Variants in ATXN10 observed in about 807,000 individuals in gnomAD.
ATXN10 encodes the protein ataxin 10, also known as ataxin-10.
A neutral mutation model predicts 52.9 loss-of-function variants in ATXN10; 28 were observed. The observed-to-expected ratio is 0.53, with a 90% CI of 0.39 to 0.73. The LOEUF is 0.73. Ranked by LOEUF, ATXN10 falls within the 30% of genes least tolerant of loss-of-function variation. ATXN10 has a pLI of 0.00. For synonymous variants in ATXN10, 226 were observed against 221.5 expected, an observed-to-expected ratio of 1.02 and a Z score of -0.18; for missense variants, 565 against 577.0, an observed-to-expected ratio of 0.98 and a Z score of 0.21.
intron 10 of ATXN10, among the ~76,000 whole-genome samples, chr22:45,811,066 C>G (rs1013896471): frequency 1.3e-5 from 2 of 152,126 alleles, no homozygotes; most frequent in Non-Finnish European, 2.9e-5. Flanking sequence ...TATGTTTTTA[C>G]TGATATTTTT....
intron 7 of ATXN10, among the ~76,000 whole-genome samples, chr22:45,735,126 G>T (rs143774697): frequency 6.6e-6 from 1 of 151,922 alleles, no homozygotes; most frequent in Non-Finnish European, 1.5e-5. Context: ...TGATCCACCC[G>T]CCTCGGGCTC....
At chr22:45,723,167 A>G (rs548440553) in intron 6 of ATXN10, among the ~76,000 whole-genome samples, 32 of 142,354 alleles carry the variant, frequency 2.2e-4, no homozygotes, top group East Asian at 5.8e-4. Flanking sequence ...GTGTGTGTGT[A>G]TATATATATA....
rs112927940 is a variant in ATXN10 at position 45,696,367 on chromosome 22, G to A, written c.391+3289G>A. Among the ~76,000 whole-genome samples the A allele has an allele frequency of 4.6e-5, 7 of 152,190 alleles. No homozygotes were observed. The highest frequency in any genetic ancestry group is 8.8e-5 in the Non-Finnish European group (6 of 68,030). On this transcript the variant is annotated intron_variant, in intron 3 of 11. Coordinates refer to ENST00000252934, the MANE Select transcript of ATXN10 (RefSeq NM_013236.4). This position sits in a 1 kb window ranked among gnomAD's most constrained non-coding sequence, Gnocchi z 4.7. The stretch of plus-strand genomic sequence containing the variant: ...TTATAATTGGTGATCCTGATGGGGC[G>A]GGCAGTGTGGCGCTCCAGAGCTGCT...
chr22:45,730,722 C>T (rs1003695510), intron 7 of ATXN10, among the ~76,000 whole-genome samples: 2 of 152,214 alleles, frequency 1.3e-5, no homozygotes, highest in Non-Finnish European at 1.5e-5. Flanking sequence ...CTGGCATAAG[C>T]CACCACATCT....
chr22:45,672,147 G>T lies in ATXN10; in HGVS notation c.84G>T (p.Ala28=). ...APIQDLEALR[A]LTALFKEQRN... is the part of the protein sequence containing the mutation. ...TCCAAGACCTGGAGGCCCTGCGCGC[G>T]CTCACGGCGCTCTTCAAAGAGCAGC... is the stretch of plus-strand genomic sequence containing the variant. The change falls in exon 1 of 12, where the codon GCG becomes GCT. Residue 28 remains alanine, a synonymous_variant. Coordinates refer to ENST00000252934, the MANE Select transcript of ATXN10 (RefSeq NM_013236.4). 4 of 1,539,164 alleles carry T rather than the reference G, an allele frequency of 2.6e-6. No individual in the cohort carries two copies. The highest frequency in any genetic ancestry group is 1.2e-5 in the South Asian group (1 of 83,754).
Position 45,684,318 on chromosome 22 carries a change from A to G in ATXN10, c.117-5394A>G, listed in dbSNP as rs984435482. Reference sequence around the variant, plus strand: ...TGAAAGATGAATTTTCAATGTGATGAGGACAGTGGGAAAGAGGAAGTGTGT... The same window carrying G: ...TGAAAGATGAATTTTCAATGTGATGGGGACAGTGGGAAAGAGGAAGTGTGT... On this transcript the variant is annotated intron_variant, in intron 1 of 11. Coordinates refer to ENST00000252934, the MANE Select transcript of ATXN10 (RefSeq NM_013236.4). This position sits in a 1 kb window ranked among gnomAD's most constrained non-coding sequence, Gnocchi z 4.1. 1.3e-5 allele frequency among the ~76,000 whole-genome samples: 2 copies of G among 152,106 alleles called. No homozygotes were observed. Among genetic ancestry groups the G allele is most frequent in the Non-Finnish European group, 2.9e-5 (2 of 68,018 alleles).
At chr22:45,734,379 TG>T in intron 7 of ATXN10, 1 of 286,994 alleles carries the variant, frequency 3.5e-6, no homozygotes, top group Non-Finnish European at 7.4e-6. Flanking sequence ...AAGCATTTTC[TG>T]GAAATTAGTC....
At position 45,740,520 on chromosome 22, in the gene ATXN10, T is replaced by G; in HGVS notation, c.1155T>G (p.Asn385Lys). ...TGATTGGAAATCTGTGTTACAAGAA[T>G]AAAGATAACCAAGACAAGGTAAGAG... is the stretch of plus-strand genomic sequence containing the variant. ...IRLIGNLCYKNKDNQDKVNEL... is the reference protein window; with the variant it reads ...IRLIGNLCYKKKDNQDKVNEL... The change falls in exon 9 of 12, where the codon AAT becomes AAG. Residue 385 changes from asparagine to lysine, a missense_variant. Asn to Lys is a moderately conservative substitution (Grantham distance 94). Transcript: ENST00000252934. The G allele has an allele frequency of 6.2e-7, 1 of 1,613,834 alleles. No individual in the cohort carries two copies. The highest frequency in any genetic ancestry group is 8.5e-7 in the Non-Finnish European group (1 of 1,179,842).
At chr22:45,682,050 GTCT>G (rs933799139) in intron 1 of ATXN10, among the ~76,000 whole-genome samples, 4 of 152,134 alleles carry the variant, frequency 2.6e-5, no homozygotes, top group African/African-American at 9.7e-5. Flanking sequence ...TGCTCCAGCA[GTCT>G]TCTTCTCTCC....
chr22:45,772,660 A>C lies in ATXN10; in HGVS notation c.1173+32122A>C, dbSNP rs911580790. ...TCTCTTTGGGGGGAATCAATGTCTT[A>C]CTGTGTTGAGTCTTCCAATCCGTGA... On this transcript the variant is annotated intron_variant, in intron 9 of 11. Coordinates refer to ENST00000252934, the MANE Select transcript of ATXN10 (RefSeq NM_013236.4). This position sits in a 1 kb window ranked among gnomAD's most constrained non-coding sequence, Gnocchi z 4.1. Among the ~76,000 whole-genome samples, 10 of 152,292 alleles carry C rather than the reference A, an allele frequency of 6.6e-5. No individual in the cohort carries two copies. The highest frequency in any genetic ancestry group is 4.4e-5 in the Non-Finnish European group (3 of 68,022).
intron 9 of ATXN10, among the ~76,000 whole-genome samples, chr22:45,767,420 T>G (rs1022739510): frequency 2.0e-5 from 3 of 151,320 alleles, no homozygotes; most frequent in African/African-American, 4.9e-5. Flanking sequence ...TATACACATA[T>G]GTATATAAAT....
In ATXN10 at chr22:45,770,422, T is replaced by C. The variant is rs1926735866; in HGVS notation, c.1173+29884T>C. Among the ~76,000 whole-genome samples, 1 of 152,178 alleles carries C rather than the reference T, an allele frequency of 6.6e-6. No homozygotes were observed. Among genetic ancestry groups the C allele is most frequent in the Admixed American group, 6.5e-5 (1 of 15,276 alleles). On this transcript the variant is annotated intron_variant, in intron 9 of 11. Transcript: ENST00000252934. The surrounding 1 kb of genome is among the most constrained non-coding windows in gnomAD (Gnocchi z 4.5). ...GGGGGTATGTGATGAATATACACAC[T>C]AATGGGACACACACGTGTGTTTCTG...
At position 45,702,704 on chromosome 22, in the gene ATXN10, T is replaced by G; in HGVS notation, c.504T>G (p.His168Gln). Residue 168 changes from histidine to glutamine, a missense_variant, in exon 5 of 12, where the codon CAT (histidine) becomes CAG (glutamine). His to Gln is a conservative substitution (Grantham distance 24). Coordinates refer to ENST00000252934, the MANE Select transcript of ATXN10 (RefSeq NM_013236.4). Reference protein sequence around the residue: ...FPELFLSCLNHPDKKIVAYSS... With the variant: ...FPELFLSCLNQPDKKIVAYSS... Reference sequence around the variant, plus strand: ...TGTTTGGAAGGTCTTGCTTAAATCATCCGGACAAAAAAATTGTTGCCTACT... The same window carrying G: ...TGTTTGGAAGGTCTTGCTTAAATCAGCCGGACAAAAAAATTGTTGCCTACT... 1 of 1,613,954 alleles carries G rather than the reference T, an allele frequency of 6.2e-7. No individual in the cohort carries two copies. The highest frequency in any genetic ancestry group is 8.5e-7 in the Non-Finnish European group (1 of 1,179,914).
chr22:45,785,095 G>A (rs1334852492), intron 9 of ATXN10, among the ~76,000 whole-genome samples: 1 of 152,200 alleles, frequency 6.6e-6, no homozygotes, highest in African/African-American at 2.4e-5. Context: ...CAGATGTGCC[G>A]AAACAGCTTT....
chr22:45,768,459 A>G (rs1280677238), intron 9 of ATXN10, among the ~76,000 whole-genome samples: 2 of 152,246 alleles, frequency 1.3e-5, no homozygotes, highest in African/African-American at 4.8e-5. Context: ...AAAATCCCAT[A>G]GTTCGTAATG....
At chr22:45,758,149 C>T (rs757655743) in intron 9 of ATXN10, among the ~76,000 whole-genome samples, 6 of 152,222 alleles carry the variant, frequency 3.9e-5, no homozygotes, top group South Asian at 2.1e-4. Flanking sequence ...CCTGAGCTTC[C>T]GCAGCTCCCG....
chr22:45,710,553 A>G (rs1234907140), intron 5 of ATXN10, among the ~76,000 whole-genome samples: 1 of 152,188 alleles, frequency 6.6e-6, no homozygotes, highest in Admixed American at 6.5e-5. Flanking sequence ...AGAATGTAGG[A>G]CTAGCTCCAT....
At position 45,683,189 on chromosome 22, in the gene ATXN10, C is replaced by G. The variant is rs1025654114; in HGVS notation, c.117-6523C>G. On this transcript the variant is annotated intron_variant, in intron 1 of 11. Coordinates refer to ENST00000252934, the MANE Select transcript of ATXN10 (RefSeq NM_013236.4). The surrounding 1 kb of genome is among the most constrained non-coding windows in gnomAD (Gnocchi z 4.8). ...CAAAAATTTGTTGGGCATGGTGGCACATGCCTGAAATTCTACCTACTTGGG... is the reference window on the plus strand; with the variant it reads ...CAAAAATTTGTTGGGCATGGTGGCAGATGCCTGAAATTCTACCTACTTGGG... Among the ~76,000 whole-genome samples the G allele has an allele frequency of 2.0e-5, 3 of 152,160 alleles. No individual in the cohort carries two copies. Among genetic ancestry groups the G allele is most frequent in the African/African-American group, 7.2e-5 (3 of 41,432 alleles).
intron 1 of ATXN10, among the ~76,000 whole-genome samples, chr22:45,687,918 G>A (rs1375954478): frequency 2.6e-5 from 4 of 152,108 alleles, no homozygotes; most frequent in African/African-American, 9.7e-5. Context: ...TTAGCCGGGC[G>A]TGGTGGCGTG....
Sources: gnomAD v4.1 joint callset for allele counts (sites outside exome capture counted in the v4.1 genomes callset) on GRCh38, gnomAD v4.1.1 for gene constraint, Gnocchi (gnomAD v3.1) non-coding constraint, MANE v1.5 for transcripts, NCBI Gene and HGNC (gene_info 2026-07-23, HGNC 2026-07-21) for gene names.